Variants in TBCK observed in about 807,000 individuals in gnomAD.
TBCK encodes the protein TBC domain-containing protein kinase-like protein.
Under a neutral mutation model 113.4 loss-of-function variants are expected in TBCK, and 99 were observed. The ratio of observed to expected loss-of-function variants is 0.87; its 90% CI spans 0.74 to 1.03. The LOEUF (loss-of-function observed/expected upper bound fraction) is 1.03. Ranked by LOEUF, TBCK falls within the 50% of genes least tolerant of loss-of-function variation. The pLI, the probability that TBCK is intolerant of heterozygous loss-of-function variation, is 0.00. For synonymous variants in TBCK, 369 were observed against 370.8 expected (o/e 1.00, Z 0.05); for missense variants, 1,045 against 1,061.3 (o/e 0.98, Z 0.21).
chr4:106,059,765 A>G (rs993973470), intron 25 of TBCK, among the ~76,000 whole-genome samples: 1 of 151,902 alleles, frequency 6.6e-6, no homozygotes, highest in Non-Finnish European at 1.5e-5. Context: ...AAGATTAGTG[A>G]GGAAGGCATG....
At chr4:106,208,980 C>T (rs1755837098) in intron 20 of TBCK, among the ~76,000 whole-genome samples, 1 of 152,168 alleles carries the variant, frequency 6.6e-6, no homozygotes, top group African/African-American at 2.4e-5. Context: ...TGGGCCAGAG[C>T]TCAAGCCAAG....
intron 18 of TBCK, 101 bp downstream of exon 18, chr4:106,231,628 G>C: frequency 1.0e-6 from 1 of 977,670 alleles, no homozygotes; most frequent in Non-Finnish European, 1.5e-6. Flanking sequence ...CTACCAGGGA[G>C]AGAATAAGAG....
chr4:106,269,802 G>T (rs1763310970), intron 3 of TBCK, among the ~76,000 whole-genome samples: 1 of 151,960 alleles, frequency 6.6e-6, no homozygotes, highest in African/African-American at 2.4e-5. Flanking sequence ...CAATAAATTG[G>T]GAAATTAACT....
rs376869975 is a variant in TBCK, at chr4:106,274,636, G to A, written c.267-12424C>T. 3.9e-5 allele frequency among the ~76,000 whole-genome samples: 6 copies of A among 152,180 alleles called. 1 individual carries two copies. The highest frequency in any genetic ancestry group is 9.7e-5 in the African/African-American group (4 of 41,434). On this transcript the variant is annotated intron_variant, in intron 3 of 25. Coordinates refer to ENST00000394708, the MANE Select transcript of TBCK (RefSeq NM_001163435.3). ...AGGTCAGGGTAGGTAAATTCATACA[G>A]GAAGTAAGTGGATTAGTGGTTTCCA... is the stretch of plus-strand genomic sequence containing the variant.
At chr4:106,067,437 T>G (rs548803508) in intron 25 of TBCK, among the ~76,000 whole-genome samples, 44 of 152,246 alleles carry the variant, frequency 2.9e-4, no homozygotes, top group African/African-American at 1.1e-3. Flanking sequence ...TTTACAAATA[T>G]TTTCTCCCAT....
rs535849071 is a variant in TBCK, at chr4:106,168,936, G to A, written c.2235+2159C>T. ...CCATAATCCAAAATGTTCCAAAATC[G>A]GAAACATTCTGAGTACCAAGATGAT... On this transcript the variant is annotated intron_variant, in intron 23 of 25. Transcript: ENST00000394708. 4.9e-4 allele frequency among the ~76,000 whole-genome samples: 75 copies of A among 151,928 alleles called. No homozygotes were observed. In the Middle Eastern group the frequency reaches 0.014, roughly 28 times the overall value.
chr4:106,147,303 T>A (rs1414505995), intron 23 of TBCK, among the ~76,000 whole-genome samples: 1 of 152,214 alleles, frequency 6.6e-6, no homozygotes, highest in Non-Finnish European at 1.5e-5. Flanking sequence ...TTGCCCAGAT[T>A]GATCAGAGAA....
At chr4:106,294,219 C>T (rs1279295878) in intron 3 of TBCK, among the ~76,000 whole-genome samples, 1 of 150,770 alleles carries the variant, frequency 6.6e-6, no homozygotes, top group South Asian at 2.1e-4. Context: ...GAGATGGAGT[C>T]GCGCTCTTTT....
chr4:106,065,669 T>C (rs1227265259), intron 25 of TBCK, among the ~76,000 whole-genome samples: 6 of 152,044 alleles, frequency 3.9e-5, no homozygotes, highest in African/African-American at 1.4e-4. Flanking sequence ...TTAGAGATTA[T>C]CTGATTTTTC....
At chr4:106,068,157 T>A (rs547933915) in intron 25 of TBCK, among the ~76,000 whole-genome samples, 121 of 152,290 alleles carry the variant, frequency 7.9e-4, no homozygotes, top group African/African-American at 2.8e-3. Context: ...TTTTATTTTT[T>A]ATTTTTTATT....
At chr4:106,169,446 G>A (rs1385941991) in intron 23 of TBCK, among the ~76,000 whole-genome samples, 5 of 152,064 alleles carry the variant, frequency 3.3e-5, no homozygotes. Context: ...GGAAAAGTCA[G>A]TCTTTTTAAC....
At chr4:106,110,775 C>T (rs571572382) in intron 24 of TBCK, among the ~76,000 whole-genome samples, 1 of 152,196 alleles carries the variant, frequency 6.6e-6, no homozygotes, top group African/African-American at 2.4e-5. Flanking sequence ...AGAACTGTCA[C>T]CTACCTTACT....
chr4:106,121,790 A>AATGAAGGC (rs1371112160), intron 23 of TBCK, among the ~76,000 whole-genome samples: 1 of 152,218 alleles, frequency 6.6e-6, no homozygotes, highest in East Asian at 1.9e-4. Flanking sequence ...TACATGACGA[A>AATGAAGGC]ATGAAGGCAG....
chr4:106,293,511 G>A (rs1008356228), intron 3 of TBCK, among the ~76,000 whole-genome samples: 1 of 152,082 alleles, frequency 6.6e-6, no homozygotes, highest in South Asian at 2.1e-4. Context: ...TAATGCGCTT[G>A]TATCATCCCA....
chr4:106,191,703 C>T (rs1477057271), intron 22 of TBCK, among the ~76,000 whole-genome samples: 2 of 152,016 alleles, frequency 1.3e-5, no homozygotes, highest in African/African-American at 2.4e-5. Flanking sequence ...GTAGGATAAC[C>T]TATTTATAAG....
At chr4:106,109,479 T>G (rs1742569661) in intron 24 of TBCK, among the ~76,000 whole-genome samples, 1 of 152,096 alleles carries the variant, frequency 6.6e-6, no homozygotes. Context: ...CACACATCTA[T>G]GACCATCTGA....
intron 19 of TBCK, among the ~76,000 whole-genome samples, chr4:106,223,861 C>T (rs1325288357): frequency 2.6e-5 from 4 of 152,116 alleles, no homozygotes; most frequent in Admixed American, 1.3e-4. Flanking sequence ...GGCTGAAATG[C>T]TAATCAACAG....
At chr4:106,131,112 T>A (rs1745863040) in intron 23 of TBCK, among the ~76,000 whole-genome samples, 1 of 152,072 alleles carries the variant, frequency 6.6e-6, no homozygotes, top group Admixed American at 6.5e-5. Flanking sequence ...TGGTAGTGAG[T>A]AAGTCTCACG....
chr4:106,249,428 T>G (rs1045653075), intron 7 of TBCK, among the ~76,000 whole-genome samples: 4 of 152,168 alleles, frequency 2.6e-5, no homozygotes, highest in Non-Finnish European at 5.9e-5. Context: ...GACCGACTTT[T>G]CATACACATG....
Sources: allele counts gnomAD v4.1 joint callset (sites outside exome capture counted in the v4.1 genomes callset), GRCh38; gene constraint gnomAD v4.1.1; transcripts MANE v1.5; gene names NCBI Gene and HGNC (gene_info 2026-07-23, HGNC 2026-07-21).